MYO9A: variants seen among roughly 807,000 people sequenced by gnomAD.
MYO9A encodes unconventional myosin-IXa.
Under a neutral mutation model 293.3 loss-of-function variants are expected in MYO9A, and 103 were observed. The ratio of observed to expected loss-of-function variants is 0.35; its 90% confidence interval spans 0.30 to 0.41. The LOEUF is 0.41. Ranked by LOEUF, MYO9A falls within the 10% of genes least tolerant of loss-of-function variation. The pLI is 1.00. For synonymous variants in MYO9A, 1,001 were observed against 1,035.7 expected, an observed-to-expected ratio of 0.97 and a Z score of 0.64; for missense variants, 2,685 against 3,033.0, an observed-to-expected ratio of 0.89 and a Z score of 2.69.
Position 71,891,272 on chromosome 15 carries a change from T to TG in MYO9A, c.5142+2406dup, listed in dbSNP as rs1596120056. ...TGGCATGCAGTGACCGTCAAGCAGG[T>TG]GAACAGAGGCTAGAACACTGAAAGG... On this transcript the variant is annotated intron_variant, in intron 26 of 41. Coordinates refer to ENST00000356056, the MANE Select transcript of MYO9A (RefSeq NM_006901.4). 2.0e-5 allele frequency: 3 copies of TG among 152,268 alleles called. No individual in the cohort carries two copies. The East Asian group carries it at 5.8e-4, about 29-fold the overall frequency. The allele number at this position is 152,268 out of a possible 1,614,324, so 9.4% of individuals were successfully genotyped here.
chr15:71,883,481 A>G (rs936792061), intron 28 of MYO9A, 113 bp downstream of exon 28: 6 of 1,164,456 alleles, frequency 5.2e-6, no homozygotes, highest in Admixed American at 5.2e-5. Context: ...GTCCTATCTC[A>G]TTAGAACATC....
At chr15:72,010,505 G>T in intron 6 of MYO9A, 58 bp from the exon 7 acceptor site, 1 of 1,440,982 alleles carries the variant, frequency 6.9e-7, no homozygotes, top group Non-Finnish European at 9.6e-7. Flanking sequence ...AATAATGTGG[G>T]CCATTCAGAA....
chr15:71,983,607 T>C (rs1353590588), intron 11 of MYO9A, among the ~76,000 whole-genome samples: 1 of 150,552 alleles, frequency 6.6e-6, no homozygotes, highest in African/African-American at 2.4e-5. Flanking sequence ...CTCAGCCTCC[T>C]GAGTAGCTGG....
chr15:72,040,261 C>T (rs1266275368), intron 2 of MYO9A: 1 of 152,322 alleles, frequency 6.6e-6, no homozygotes, highest in Non-Finnish European at 1.5e-5. Flanking sequence ...TCATCCTCAT[C>T]CTTATCCTTA....
chr15:71,935,621 C>T, intron 16 of MYO9A, 137 bp from the exon 17 acceptor site: 1 of 770,592 alleles, frequency 1.3e-6, no homozygotes, highest in Non-Finnish European at 2.0e-6. Context: ...TGATTTCATC[C>T]AAATGACTGC....
At chr15:71,868,465 C>T (rs11855981) in intron 32 of MYO9A, among the ~76,000 whole-genome samples, 2,259 of 152,286 alleles carry the variant, frequency 0.015, 52 homozygotes, top group African/African-American at 0.051. Flanking sequence ...GGCTCATCTG[C>T]ATAATCCAAA....
At chr15:72,011,029 G>T (rs76985457) in intron 6 of MYO9A, among the ~76,000 whole-genome samples, 3 of 148,832 alleles carry the variant, frequency 2.0e-5, no homozygotes, top group Admixed American at 1.3e-4. Flanking sequence ...TTTTTTTTAA[G>T]ACAGGGTCTC....
At chr15:71,827,406 C>G (rs2054549262) in intron 41 of MYO9A, among the ~76,000 whole-genome samples, 1 of 151,998 alleles carries the variant, frequency 6.6e-6, no homozygotes, top group African/African-American at 2.4e-5. Context: ...AGTGGGGGCA[C>G]AATGCCTGCC....
chr15:71,880,200 C>A, intron 29 of MYO9A, 135 bp downstream of exon 29: 1 of 784,444 alleles, frequency 1.3e-6, no homozygotes, highest in Non-Finnish European at 2.0e-6. Flanking sequence ...ATTATTCACA[C>A]CTTTCTGGTA....
In MYO9A at chr15:72,118,089, A is replaced by G; in HGVS notation, c.-481T>C. ...TATCCGCTTCGGTCGCGCGCCCCCG[A>G]CCCCGCGCACGCGGCCCCGCCCCGC... On this transcript the variant is annotated 5_prime_UTR_variant, in exon 1 of 42. Coordinates refer to ENST00000356056, the MANE Select transcript of MYO9A (RefSeq NM_006901.4). 2.6e-6 allele frequency: 1 copy of G among 391,628 alleles called. No homozygotes were observed. Among genetic ancestry groups the G allele is most frequent in the Non-Finnish European group, 4.5e-6 (1 of 221,854 alleles). The allele number at this position is 391,628 out of a possible 1,614,324, so 24.3% of individuals were successfully genotyped here.
At chr15:71,916,628 A>C (rs575182149) in intron 18 of MYO9A, 136 bp from the exon 19 acceptor site, 1 of 794,676 alleles carries the variant, frequency 1.3e-6, no homozygotes, top group South Asian at 2.0e-5. Context: ...TGAAAGACTG[A>C]TATCCAACAT....
chr15:72,090,289 T>A (rs998724126), intron 1 of MYO9A, among the ~76,000 whole-genome samples: 19 of 152,330 alleles, frequency 1.2e-4, no homozygotes, highest in African/African-American at 4.6e-4. Context: ...TAACTTTATA[T>A]CTTTTTAAAC....
intron 1 of MYO9A, among the ~76,000 whole-genome samples, chr15:72,055,671 C>G (rs1170935779): frequency 1.3e-5 from 2 of 151,956 alleles, no homozygotes; most frequent in African/African-American, 4.8e-5. Context: ...GAATAGACAT[C>G]TCAAAAGAAG....
chr15:71,852,577 G>A (rs1016784576), intron 35 of MYO9A, among the ~76,000 whole-genome samples: 1 of 152,026 alleles, frequency 6.6e-6, no homozygotes, highest in Non-Finnish European at 1.5e-5. Context: ...TGGTCAGGCT[G>A]GTCTCGAACT....
At chr15:72,105,091 G>GT (rs1236545855) in intron 1 of MYO9A, among the ~76,000 whole-genome samples, 6 of 152,036 alleles carry the variant, frequency 3.9e-5, no homozygotes, top group African/African-American at 1.4e-4. Flanking sequence ...TATATCTACT[G>GT]TTTTTTTCCT....
At chr15:71,854,654 T>A in intron 34 of MYO9A, 85 bp from the exon 35 acceptor site, 1 of 1,113,402 alleles carries the variant, frequency 9.0e-7, no homozygotes, top group Non-Finnish European at 1.2e-6. Flanking sequence ...GAGCTACTTT[T>A]TTATTTCTCT....
rs566911628 is a variant in MYO9A at position 72,035,539 on chromosome 15, A to G, written c.841-2951T>C. Among the ~76,000 whole-genome samples, 4 of 152,364 alleles carry G rather than the reference A, an allele frequency of 2.6e-5. No individual in the cohort carries two copies. In the East Asian group the frequency reaches 7.7e-4, roughly 29 times the overall value. ...CTCAAAACTTTACATGTGGTGGTTC[A>G]CATGTGTAATCCCAGCAATTTGGGA... On this transcript the variant is annotated intron_variant, in intron 2 of 41. Transcript: ENST00000356056.
intron 1 of MYO9A, among the ~76,000 whole-genome samples, chr15:72,094,135 A>G (rs1412569069): frequency 1.1e-5 from 1 of 89,840 alleles, no homozygotes; most frequent in African/African-American, 2.6e-5. Context: ...ACTTCAGCCC[A>G]GGAGTTCAAG....
chr15:71,987,035 T>C (rs1020008115), intron 11 of MYO9A, among the ~76,000 whole-genome samples: 3 of 152,198 alleles, frequency 2.0e-5, no homozygotes, highest in African/African-American at 7.2e-5. Context: ...ACTGTATCTT[T>C]TCTATGTTTA....
Sources: allele counts gnomAD v4.1 joint callset (sites outside exome capture counted in the v4.1 genomes callset), GRCh38; gene constraint gnomAD v4.1.1; transcripts MANE v1.5; gene names NCBI Gene and HGNC (gene_info 2026-07-23, HGNC 2026-07-21).